The following GSTM2 variants were observed in gnomAD, a reference collection of about 807,000 sequenced individuals.
The protein encoded by GSTM2 is GST class-mu 2.
GSTM2 carries 33 observed loss-of-function variants against 33.3 expected under a neutral mutation model. The observed-to-expected ratio is 0.99, with a 90% CI of 0.75 to 1.33. The LOEUF (loss-of-function observed/expected upper bound fraction) is 1.33. Among genes scored for constraint, GSTM2 ranks in the 40% most tolerant of loss-of-function variants. The probability of loss-of-function intolerance (pLI) is 0.00; values close to 1 mark genes in which losing one functional copy is unlikely to be tolerated. For missense variants in GSTM2, 213 were observed against 265.8 expected, an observed-to-expected ratio of 0.80 and a Z score of 1.38; for synonymous variants, 93 against 95.6, an observed-to-expected ratio of 0.97 and a Z score of 0.16.
intron 7 of GSTM2, among the ~76,000 whole-genome samples, chr1:109,672,631 A>T (rs1265190472): frequency 6.6e-6 from 1 of 152,210 alleles, no homozygotes; most frequent in Non-Finnish European, 1.5e-5. Context: ...GCACTTCAGG[A>T]CCACGGATGC....
downstream of GSTM2, among the ~76,000 whole-genome samples, chr1:109,676,953 A>C (rs1647719719): frequency 6.6e-6 from 1 of 152,184 alleles, no homozygotes; most frequent in South Asian, 2.1e-4. Flanking sequence ...CAGCAGGGAG[A>C]TCTTGTTACA....
downstream of GSTM2, among the ~76,000 whole-genome samples, chr1:109,680,035 G>A (rs1365277441): frequency 6.6e-6 from 1 of 152,058 alleles, no homozygotes; most frequent in African/African-American, 2.4e-5. Flanking sequence ...CTTGATCAGG[G>A]ACTAACACCA....
At chr1:109,680,160 T>G (rs1041278105), downstream of GSTM2, among the ~76,000 whole-genome samples, 12 of 151,096 alleles carry the variant, frequency 7.9e-5, no homozygotes, top group African/African-American at 2.9e-4. Context: ...CACTCCAAAA[T>G]TGTGTGAGCC....
At chr1:109,673,479 C>G in intron 7 of GSTM2, 1 of 528,786 alleles carries the variant, frequency 1.9e-6, no homozygotes. Context: ...TTTCCACTCC[C>G]CATCAAGAGA....
downstream of GSTM2, among the ~76,000 whole-genome samples, chr1:109,678,415 G>A (rs1357757685): frequency 3.3e-5 from 5 of 152,116 alleles, no homozygotes; most frequent in East Asian, 9.6e-4. Context: ...GGGATTACAG[G>A]TGTGAGCCAC....
In GSTM2 at chr1:109,669,582, C is replaced by T; in HGVS notation, c.360+11C>T. On this transcript the variant is annotated intron_variant, in intron 5 of 7. Transcript: ENST00000241337. ...TATGACCCAGATTTTGTAAGTCCCC[C>T]CACCCCACTCCCAGTCTCCCCTTCC... The T allele has an allele frequency of 6.6e-7, 1 of 1,519,494 alleles. No homozygotes were observed. Among genetic ancestry groups the T allele is most frequent in the African/African-American group, 1.4e-5 (1 of 73,248 alleles). The allele number at this position is 1,519,494 out of a possible 1,614,324, so 94.1% of individuals were successfully genotyped here.
rs1428747261 is a variant in GSTM2 at position 109,673,351 on chromosome 1, G to C, written c.568-1396G>C. On this transcript the variant is annotated intron_variant, in intron 7 of 7. Coordinates refer to ENST00000241337, the MANE Select transcript of GSTM2 (RefSeq NM_000848.4). ...GAGTGCAGTGAGAGGCCTGCAGGCA[G>C]AGCAGCCTGTGAAGTGTGTGCTGAA... The C allele has an allele frequency of 2.1e-6, 3 of 1,427,834 alleles. No individual in the cohort carries two copies. In the Admixed American group the frequency reaches 5.9e-5, roughly 28 times the overall value. 88.4% of individuals were successfully genotyped at this position (1,427,834 alleles called of 1,614,324 possible). A position where few individuals can be genotyped will look rare whatever the true frequency, so the allele number is the denominator to read the frequency against.
chr1:109,679,960 C>T (rs546923159), downstream of GSTM2, among the ~76,000 whole-genome samples: 106 of 152,318 alleles, frequency 7.0e-4, no homozygotes, highest in Non-Finnish European at 7.5e-4. Flanking sequence ...TTTGATATCT[C>T]TGACTGGGAC....
At chr1:109,682,228 GT>G (rs1157199730) in intron 7 of GSTM2, among the ~76,000 whole-genome samples, 38 of 30,426 alleles carry the variant, frequency 1.2e-3, no homozygotes, top group African/African-American at 3.5e-3. Context: ...AATTACCTAA[GT>G]TTTTTTTGTT....
chr1:109,674,286 G>C (rs1382823160), intron 7 of GSTM2, among the ~76,000 whole-genome samples: 1 of 151,880 alleles, frequency 6.6e-6, no homozygotes, highest in Non-Finnish European at 1.5e-5. Flanking sequence ...GGGTGGTGGG[G>C]CAGAAGAAGA....
intron 7 of GSTM2, among the ~76,000 whole-genome samples, chr1:109,671,856 A>C (rs1326721247): frequency 1.3e-5 from 2 of 151,696 alleles, no homozygotes; most frequent in Non-Finnish European, 2.9e-5. Flanking sequence ...CTGTAATCCC[A>C]GCTACTTGGG....
downstream of GSTM2, among the ~76,000 whole-genome samples, chr1:109,676,094 C>T (rs620077): frequency 0.91 from 138,811 of 152,214 alleles, 63,376 homozygotes; most frequent in East Asian, 1. Flanking sequence ...TATTCACTAC[C>T]GTGAGAACAG....
Position 109,671,405 on chromosome 1 carries a change from A to T in GSTM2, c.456+23A>T, listed in dbSNP as rs371377851. 1,224 of 1,583,306 alleles carry T rather than the reference A, an allele frequency of 7.7e-4. 1 individual carries two copies. The highest frequency in any genetic ancestry group is 9.8e-4 in the Admixed American group (59 of 59,988). On this transcript the variant is annotated intron_variant, in intron 6 of 7. Transcript: ENST00000241337. ...AAGGTAATGGGGGCGTGTGATGGGG[A>T]CACCACAGATTTGTCATACTTCCTA...
downstream of GSTM2, among the ~76,000 whole-genome samples, chr1:109,677,762 T>G (rs1454098620): frequency 6.6e-6 from 1 of 152,190 alleles, no homozygotes; most frequent in Non-Finnish European, 1.5e-5. Context: ...AGTAGCACAC[T>G]TAAGGCCTGT....
intron 7 of GSTM2, chr1:109,673,159 C>T (rs775575149): frequency 3.9e-5 from 62 of 1,604,724 alleles, no homozygotes; most frequent in Admixed American, 5.0e-5. Context: ...CGTGAGCCAC[C>T]GCGCCTGGCC....
intron 7 of GSTM2, chr1:109,673,443 C>G (rs1417551024): frequency 1.6e-6 from 1 of 626,144 alleles, no homozygotes; most frequent in African/African-American, 1.8e-5. Context: ...GTCCAACAGG[C>G]TTCTGAGCCT....
intron 7 of GSTM2, among the ~76,000 whole-genome samples, chr1:109,674,028 G>A (rs769755454): frequency 1.3e-5 from 2 of 152,198 alleles, no homozygotes; most frequent in Non-Finnish European, 2.9e-5. Flanking sequence ...GATACCAGAT[G>A]GAGAACCTTG....
chr1:109,679,748 GGTTA>G (rs71589797), downstream of GSTM2, among the ~76,000 whole-genome samples: 13 of 152,278 alleles, frequency 8.5e-5, no homozygotes, highest in South Asian at 1.0e-3. Flanking sequence ...ATAATGTGAT[GGTTA>G]GTTAGTTTTC....
chr1:109,673,874 C>T (rs1448523080), intron 7 of GSTM2, among the ~76,000 whole-genome samples: 2 of 152,228 alleles, frequency 1.3e-5, no homozygotes, highest in East Asian at 3.8e-4. Flanking sequence ...GCTGGGATTA[C>T]AGGTGTGAGC....
Sources: gnomAD v4.1 joint callset for allele counts (sites outside exome capture counted in the v4.1 genomes callset) on GRCh38, gnomAD v4.1.1 for gene constraint, MANE v1.5 for transcripts, NCBI Gene and HGNC (gene_info 2026-07-23, HGNC 2026-07-21) for gene names.